The following DPYSL2 variants were observed in gnomAD, a reference collection of about 807,000 sequenced individuals.
DPYSL2 encodes dihydropyrimidinase like 2, also known as dihydropyrimidinase-related protein 2.
A neutral mutation model predicts 69.9 loss-of-function variants in DPYSL2; 13 were observed. The observed-to-expected ratio is 0.19, with a 90% confidence interval of 0.12 to 0.30. DPYSL2 has a LOEUF of 0.30. Among genes scored for constraint, DPYSL2 ranks in the 10% least tolerant of loss-of-function variants. The probability of loss-of-function intolerance (pLI) is 1.00; values close to 1 mark genes in which losing one functional copy is unlikely to be tolerated. For missense variants in DPYSL2, 587 were observed against 918.9 expected (o/e 0.64, Z 4.67); for synonymous variants, 326 against 359.1 (o/e 0.91, Z 1.04).
chr8:26,593,182 G>A lies in DPYSL2; in HGVS notation c.628+9199G>A, dbSNP rs997522143. ...AGAGGATGTTGCTGGGGGTTGGGTC[G>A]CGGTGGCTGAGGCTGCTGTCCAGTT... On this transcript the variant is annotated intron_variant, in intron 3 of 13. Coordinates refer to ENST00000521913, the MANE Select transcript of DPYSL2 (RefSeq NM_001197293.3). The surrounding 1 kb of genome is among the most constrained non-coding windows in gnomAD (Gnocchi z 5.7). 4.6e-5 allele frequency among the ~76,000 whole-genome samples: 7 copies of A among 152,228 alleles called. No homozygotes were observed. The highest frequency in any genetic ancestry group is 1.7e-4 in the African/African-American group (7 of 41,538).
intron 1 of DPYSL2, among the ~76,000 whole-genome samples, chr8:26,569,354 C>CAAAAAAAAAAAAAA (rs771471331): frequency 1.9e-5 from 1 of 52,272 alleles, no homozygotes; most frequent in Non-Finnish European, 4.1e-5. Context: ...ACCCTATCTC[C>CAAAAAAAAAAAAAA]AAAAAAAAAA....
At chr8:26,632,246 C>G (rs112672149) in intron 7 of DPYSL2, among the ~76,000 whole-genome samples, 1 of 152,164 alleles carries the variant, frequency 6.6e-6, no homozygotes, top group African/African-American at 2.4e-5. Flanking sequence ...GCGTGACAAT[C>G]CGGGCAGTGC....
At chr8:26,639,160 G>A (rs1018687304) in intron 8 of DPYSL2, among the ~76,000 whole-genome samples, 1 of 152,224 alleles carries the variant, frequency 6.6e-6, no homozygotes, top group Non-Finnish European at 1.5e-5. Context: ...GGCCTGTGAG[G>A]ACCACCTCAG....
Position 26,593,255 on chromosome 8 carries a change from G to T in DPYSL2, c.628+9272G>T, listed in dbSNP as rs778777204. Among the ~76,000 whole-genome samples the T allele has an allele frequency of 7.2e-5, 11 of 152,102 alleles. No homozygotes were observed. Among genetic ancestry groups the T allele is most frequent in the Non-Finnish European group, 1.5e-5 (1 of 68,026 alleles). On this transcript the variant is annotated intron_variant, in intron 3 of 13. Transcript: ENST00000521913. This position sits in a 1 kb window ranked among gnomAD's most constrained non-coding sequence, Gnocchi z 5.7. Reference sequence around the variant, plus strand: ...GGGCAGTGGTTTAAAAACCTTGACTGCACATTAGAATCCCCTGGGGAGTTG... The same window carrying T: ...GGGCAGTGGTTTAAAAACCTTGACTTCACATTAGAATCCCCTGGGGAGTTG...
intron 1 of DPYSL2, among the ~76,000 whole-genome samples, chr8:26,553,951 T>C (rs4871988): frequency 0.66 from 95,438 of 145,546 alleles, 32,042 homozygotes; most frequent in East Asian, 0.9. Flanking sequence ...CATGCTGGAG[T>C]GCAGTGGCAC....
At chr8:26,535,616 G>GATAT (rs542036370) in intron 1 of DPYSL2, among the ~76,000 whole-genome samples, 21 of 147,974 alleles carry the variant, frequency 1.4e-4, no homozygotes, top group African/African-American at 3.0e-4. Context: ...AAAACAGACT[G>GATAT]ATATATATAT....
chr8:26,626,395 C>T lies in DPYSL2; in HGVS notation c.794-222C>T, dbSNP rs1585556355. Among the ~76,000 whole-genome samples the T allele has an allele frequency of 6.6e-6, 1 of 152,068 alleles. No homozygotes were observed. The highest frequency in any genetic ancestry group is 1.9e-4 in the East Asian group (1 of 5,194). ...AAAAAGCATCCTTGTGCCTCTTCCT[C>T]CCACATTCACAGGTTATTTATATGG... On this transcript the variant is annotated intron_variant, in intron 4 of 13. Transcript: ENST00000521913. This position sits in a 1 kb window ranked among gnomAD's most constrained non-coding sequence, Gnocchi z 4.3.
At chr8:26,552,407 G>A (rs779766191) in intron 1 of DPYSL2, among the ~76,000 whole-genome samples, 3 of 152,074 alleles carry the variant, frequency 2.0e-5, no homozygotes, top group Non-Finnish European at 4.4e-5. Flanking sequence ...GAAATCAATG[G>A]CATTGAAAAC....
intron 3 of DPYSL2, among the ~76,000 whole-genome samples, chr8:26,613,219 A>G (rs1802275324): frequency 6.6e-6 from 1 of 152,224 alleles, no homozygotes; most frequent in African/African-American, 2.4e-5. Context: ...CATCATCTTC[A>G]GAATGTGAAA....
chr8:26,644,207 AG>A lies in DPYSL2; in HGVS notation c.1425+117del. Reference sequence around the variant, plus strand: ...GACAGACAGTGGAGGACATCCTAGAAGCCAGTACTTATATGACAATATTTCT... The same window carrying A: ...GACAGACAGTGGAGGACATCCTAGAACCAGTACTTATATGACAATATTTCT... On this transcript the variant is annotated intron_variant, in intron 10 of 13. Transcript: ENST00000521913. This position sits in a 1 kb window ranked among gnomAD's most constrained non-coding sequence, Gnocchi z 4.5. 1 of 1,261,208 alleles carries A rather than the reference AG, an allele frequency of 7.9e-7. No homozygotes were observed. The highest frequency in any genetic ancestry group is 1.7e-5 in the South Asian group (1 of 59,174). The allele number at this position is 1,261,208 out of a possible 1,614,324, so 78.1% of individuals were successfully genotyped here.
chr8:26,517,283 G>A lies in DPYSL2; in HGVS notation c.354+2604G>A, dbSNP rs1808308685. Among the ~76,000 whole-genome samples the A allele has an allele frequency of 6.6e-6, 1 of 152,206 alleles. No individual in the cohort carries two copies. Among genetic ancestry groups the A allele is most frequent in the Non-Finnish European group, 1.5e-5 (1 of 68,044 alleles). Reference sequence around the variant, plus strand: ...ACATGGCTCATGGAAGATGAGAGATGTTGGACATGTGCATTTGCAGGAACT... The same window carrying A: ...ACATGGCTCATGGAAGATGAGAGATATTGGACATGTGCATTTGCAGGAACT... On this transcript the variant is annotated intron_variant, in intron 1 of 13. Coordinates refer to ENST00000521913, the MANE Select transcript of DPYSL2 (RefSeq NM_001197293.3). This position sits in a 1 kb window ranked among gnomAD's most constrained non-coding sequence, Gnocchi z 4.2.
Position 26,627,259 on chromosome 8 carries a change from C to T in DPYSL2, c.900C>T (p.Ala300=). 1.9e-6 allele frequency: 3 copies of T among 1,614,152 alleles called. No individual in the cohort carries two copies. The highest frequency in any genetic ancestry group is 2.5e-6 in the Non-Finnish European group (3 of 1,180,036). Residue 300 remains alanine, a synonymous_variant, in exon 6 of 14, where the codon GCC becomes GCT. Coordinates refer to ENST00000521913, the MANE Select transcript of DPYSL2 (RefSeq NM_001197293.3). This position sits in a 1 kb window ranked among gnomAD's most constrained non-coding sequence, Gnocchi z 6.9. ...TGATCCGGGATATTGGCGCCATAGCCCAAGTCCACGCAGAAAATGGCGACA... is the reference window on the plus strand; with the variant it reads ...TGATCCGGGATATTGGCGCCATAGCTCAAGTCCACGCAGAAAATGGCGACA... ...LSVIRDIGAI[A]QVHAENGDII...
chr8:26,590,849 T>C (rs929047846), intron 3 of DPYSL2, among the ~76,000 whole-genome samples: 4 of 152,256 alleles, frequency 2.6e-5, no homozygotes, highest in Non-Finnish European at 4.4e-5. Flanking sequence ...ACGCACACTT[T>C]ACCGAATGCT....
chr8:26,625,677 T>C (rs1415701516), intron 4 of DPYSL2, among the ~76,000 whole-genome samples: 1 of 152,152 alleles, frequency 6.6e-6, no homozygotes, highest in Non-Finnish European at 1.5e-5. Flanking sequence ...ATCATTTGCT[T>C]AAAAATCAGC....
chr8:26,578,008 TC>T, intron 1 of DPYSL2: 2 of 1,379,672 alleles, frequency 1.4e-6, no homozygotes, highest in East Asian at 2.9e-5. Flanking sequence ...TCTCTCTCTC[TC>T]TCTCTCTCTT....
At chr8:26,607,858 T>C (rs1359314955) in intron 3 of DPYSL2, among the ~76,000 whole-genome samples, 12 of 151,914 alleles carry the variant, frequency 7.9e-5, no homozygotes, top group Non-Finnish European at 1.8e-4. Flanking sequence ...GGTGGGCGGA[T>C]CACAAGGTCA....
At chr8:26,592,406 G>A (rs772164529) in intron 3 of DPYSL2, among the ~76,000 whole-genome samples, 1 of 151,918 alleles carries the variant, frequency 6.6e-6, no homozygotes, top group Non-Finnish European at 1.5e-5. Context: ...TCCTGCCTTG[G>A]CCTCCCAAAG....
At chr8:26,623,848 C>T (rs562308502) in intron 3 of DPYSL2, 57 of 335,692 alleles carry the variant, frequency 1.7e-4, no homozygotes, top group African/African-American at 1.1e-3. Context: ...CATAAGGACT[C>T]GTTGTCCGTG....
chr8:26,554,286 T>C (rs1475337923), intron 1 of DPYSL2, among the ~76,000 whole-genome samples: 1 of 152,140 alleles, frequency 6.6e-6, no homozygotes, highest in Admixed American at 6.5e-5. Context: ...GATACTGAGC[T>C]TTTTTTCACA....
Sources: allele counts gnomAD v4.1 joint callset (sites outside exome capture counted in the v4.1 genomes callset), GRCh38; gene constraint gnomAD v4.1.1; non-coding constraint Gnocchi (gnomAD v3.1); transcripts MANE v1.5; gene names NCBI Gene and HGNC (gene_info 2026-07-23, HGNC 2026-07-21).